The following IL1RAPL2 variants were observed in gnomAD, a reference collection of about 807,000 sequenced individuals.
IL1RAPL2 encodes interleukin 1 receptor accessory protein like 2.
In IL1RAPL2, 3 loss-of-function variants were observed where a neutral mutation model predicts 44.1. That is an observed-to-expected ratio of 0.07 (90% CI 0.03 to 0.18). The LOEUF is 0.18. IL1RAPL2 is among the 10% of genes least tolerant of loss of function. The pLI is 1.00. For synonymous variants in IL1RAPL2, 181 were observed against 178.8 expected (o/e 1.01, Z -0.10); for missense variants, 391 against 496.4 (o/e 0.79, Z 2.02).
At chrX:105,517,171 G>A (rs1291458935) in intron 6 of IL1RAPL2, among the ~76,000 whole-genome samples, 1 of 111,963 alleles carries the variant, frequency 8.9e-6, no homozygotes, top group African/African-American at 3.2e-5. Context: ...ACACTAAGTG[G>A]AATGGAGTAG....
chrX:105,643,431 G>C (rs2037582683), intron 6 of IL1RAPL2, among the ~76,000 whole-genome samples: 2 of 111,348 alleles, frequency 1.8e-5, no homozygotes, highest in Non-Finnish European at 3.8e-5. Flanking sequence ...CCTGAACCTG[G>C]GCTTTTGCAT....
chrX:105,307,431 C>G lies in IL1RAPL2; in HGVS notation c.697+39890C>G, dbSNP rs189465215. Among the ~76,000 whole-genome samples the G allele has an allele frequency of 6.7e-4, 38 of 56,662 alleles. 1 individual carries two copies. Among genetic ancestry groups the G allele is most frequent in the African/African-American group, 2.7e-3 (37 of 13,933 alleles). 49.2% of individuals were successfully genotyped at this position (56,662 alleles called of 115,157 possible). A position where few individuals can be genotyped will look rare whatever the true frequency, so the allele number is the denominator to read the frequency against. On this transcript the variant is annotated intron_variant, in intron 5 of 10. Transcript: ENST00000372582. ...AGCCTGGATGATCCAGGATGACCCT[C>G]TCTCTAAATATGTGTATATATATTT...
chrX:105,530,450 A>T (rs1398588514), intron 6 of IL1RAPL2, among the ~76,000 whole-genome samples: 1 of 108,915 alleles, frequency 9.2e-6, no homozygotes, highest in Non-Finnish European at 1.9e-5. Context: ...TTAATTTTTA[A>T]TTTTTGTGTG....
At chrX:104,630,451 G>A (rs1929617242) in intron 1 of IL1RAPL2, among the ~76,000 whole-genome samples, 2 of 108,017 alleles carry the variant, frequency 1.9e-5, no homozygotes, top group Admixed American at 1.0e-4. Context: ...CCGGCAGGCT[G>A]ATTTTTTTGT....
chrX:105,243,587 G>A lies in IL1RAPL2; in HGVS notation c.543+9583G>A, dbSNP rs868933752. On this transcript the variant is annotated intron_variant, in intron 4 of 10. Coordinates refer to ENST00000372582, the MANE Select transcript of IL1RAPL2 (RefSeq NM_017416.2). ...TGTGTGTATATATATATATATATGT[G>A]TATATATATATATATATATTTTTTT... Among the ~76,000 whole-genome samples the A allele has an allele frequency of 9.4e-3, 706 of 74,815 alleles. 7 individuals carry two copies. Among genetic ancestry groups the A allele is most frequent in the African/African-American group, 0.089 (666 of 7,443 alleles). The allele number at this position is 74,815 out of a possible 115,157, so 65.0% of individuals were successfully genotyped here. A position where few individuals can be genotyped will look rare whatever the true frequency, so the allele number is the denominator to read the frequency against.
At chrX:105,219,439 G>A (rs2033915996) in intron 3 of IL1RAPL2, 2 of 1,209,792 alleles carry the variant, frequency 1.7e-6, no homozygotes, top group Admixed American at 4.4e-5. Flanking sequence ...TTCCTGATCA[G>A]CATCTCCAAG....
At chrX:104,916,364 T>C (rs908538605) in intron 2 of IL1RAPL2, among the ~76,000 whole-genome samples, 3 of 111,741 alleles carry the variant, frequency 2.7e-5, no homozygotes, top group African/African-American at 9.8e-5. Context: ...GATTTGGCTC[T>C]CTGTTTGTCT....
chrX:105,730,763 C>T (rs1022487991), intron 7 of IL1RAPL2, among the ~76,000 whole-genome samples: 10 of 111,205 alleles, frequency 9.0e-5, no homozygotes, highest in Middle Eastern at 4.6e-3. Context: ...CCCTGCACAA[C>T]GACTGAGTCA....
intron 6 of IL1RAPL2, among the ~76,000 whole-genome samples, chrX:105,552,199 T>C (rs774752722): frequency 9.0e-4 from 101 of 111,610 alleles, no homozygotes; most frequent in Non-Finnish European, 1.7e-3. Flanking sequence ...ATGGCAAAAA[T>C]CAGCTTATGT....
chrX:104,852,899 G>A (rs1428443072), intron 2 of IL1RAPL2, among the ~76,000 whole-genome samples: 1 of 111,750 alleles, frequency 8.9e-6, no homozygotes, highest in Non-Finnish European at 1.9e-5. Flanking sequence ...TGAGAAGGAT[G>A]CAGCTGTGAA....
intron 3 of IL1RAPL2, among the ~76,000 whole-genome samples, chrX:105,231,864 T>C (rs1214619498): frequency 8.9e-6 from 1 of 111,932 alleles, no homozygotes; most frequent in Non-Finnish European, 1.9e-5. Context: ...GTTTAAAAAA[T>C]GGTGAAAAAG....
At chrX:105,688,083 G>A (rs903463548) in intron 6 of IL1RAPL2, among the ~76,000 whole-genome samples, 6 of 111,374 alleles carry the variant, frequency 5.4e-5, no homozygotes, top group African/African-American at 1.3e-4. Context: ...AAAATAATAA[G>A]AGCTATTTAT....
chrX:105,710,330 G>A (rs550871782), intron 6 of IL1RAPL2, among the ~76,000 whole-genome samples: 4 of 102,623 alleles, frequency 3.9e-5, no homozygotes, highest in South Asian at 9.1e-4. Context: ...CTTATCTCAC[G>A]GTCACTGTTG....
intron 4 of IL1RAPL2, among the ~76,000 whole-genome samples, chrX:105,266,441 C>T: frequency 9.0e-6 from 1 of 111,629 alleles, no homozygotes; most frequent in East Asian, 2.8e-4. Flanking sequence ...TTTGGTAGAA[C>T]ATTTGAGGCG....
intron 6 of IL1RAPL2, among the ~76,000 whole-genome samples, chrX:105,540,686 T>TAAATAGGTATCTCAAAATAA (rs1350343455): frequency 9.8e-6 from 1 of 102,331 alleles, no homozygotes; most frequent in African/African-American, 3.6e-5. Flanking sequence ...ATTTTGTGTA[T>TAAATAGGTATCTCAAAATAA]AAATAGGTAT....
chrX:105,224,725 A>G (rs1603020946), intron 3 of IL1RAPL2, among the ~76,000 whole-genome samples: 1 of 112,249 alleles, frequency 8.9e-6, no homozygotes, highest in South Asian at 3.7e-4. Flanking sequence ...GAAATAACAT[A>G]TTGACAGATG....
At chrX:104,572,050 T>C (rs779754274) in intron 1 of IL1RAPL2, among the ~76,000 whole-genome samples, 2 of 112,480 alleles carry the variant, frequency 1.8e-5, no homozygotes, top group South Asian at 3.7e-4. Flanking sequence ...CATTGTATTA[T>C]GTTATGAATT....
intron 2 of IL1RAPL2, among the ~76,000 whole-genome samples, chrX:104,949,009 G>C (rs1925482412): frequency 9.1e-6 from 1 of 109,618 alleles, no homozygotes; most frequent in African/African-American, 3.3e-5. Context: ...GTTCCTCCTT[G>C]TACCTCTGGT....
At chrX:105,195,815 A>G in intron 3 of IL1RAPL2, 67 bp downstream of exon 3, 1 of 1,031,097 alleles carries the variant, frequency 9.7e-7, no homozygotes, top group Non-Finnish European at 1.4e-6. Context: ...ACTTGAGTAC[A>G]TGTAGGTATG....
Sources: gnomAD v4.1 joint callset for allele counts (sites outside exome capture counted in the v4.1 genomes callset) on GRCh38, gnomAD v4.1.1 for gene constraint, MANE v1.5 for transcripts, NCBI Gene and HGNC (gene_info 2026-07-23, HGNC 2026-07-21) for gene names.